Variants in FHIT observed in about 807,000 individuals in gnomAD.
FHIT encodes fragile histidine triad diadenosine triphosphatase.
Under a neutral mutation model 17.9 loss-of-function variants are expected in FHIT, and 19 were observed. The ratio of observed to expected loss-of-function variants is 1.06; its 90% confidence interval spans 0.74 to 1.56. FHIT has a LOEUF of 1.56. Ranked by LOEUF, FHIT falls within the 40% of genes most tolerant of loss-of-function variation. The pLI, the probability that FHIT is intolerant of heterozygous loss-of-function variation, is 0.00. For missense variants in FHIT, 248 were observed against 189.2 expected (o/e 1.31, Z -1.82); for synonymous variants, 81 against 69.7 (o/e 1.16, Z -0.81).
At chr3:60,679,924 T>G in intron 4 of FHIT, among the ~76,000 whole-genome samples, 1 of 152,218 alleles carries the variant, frequency 6.6e-6, no homozygotes, top group East Asian at 1.9e-4. Context: ...TTATTCTTGT[T>G]ACTATATGTT....
At chr3:60,264,594 A>C (rs960616221) in intron 5 of FHIT, among the ~76,000 whole-genome samples, 5 of 152,016 alleles carry the variant, frequency 3.3e-5, no homozygotes, top group African/African-American at 1.2e-4. Context: ...TAGAGAGTTA[A>C]TATAAAAGCA....
chr3:60,555,349 A>T (rs1366608962), intron 4 of FHIT, among the ~76,000 whole-genome samples: 1 of 152,192 alleles, frequency 6.6e-6, no homozygotes, highest in East Asian at 1.9e-4. Context: ...GGAGTCTTGA[A>T]ATAGAGCTTC....
intron 4 of FHIT, among the ~76,000 whole-genome samples, chr3:60,572,373 ACT>A (rs1163128649): frequency 2.0e-5 from 3 of 152,066 alleles, no homozygotes; most frequent in South Asian, 2.1e-4. Flanking sequence ...GGTTAGATTC[ACT>A]CTGTTTTATA....
intron 5 of FHIT, among the ~76,000 whole-genome samples, chr3:60,335,335 C>A (rs1014821876): frequency 6.6e-6 from 1 of 152,242 alleles, no homozygotes; most frequent in Admixed American, 6.5e-5. Flanking sequence ...TAAGTATATT[C>A]TTATAAACAT....
intron 2 of FHIT, among the ~76,000 whole-genome samples, chr3:61,051,090 C>T (rs1450204128): frequency 1.3e-5 from 2 of 151,970 alleles, no homozygotes; most frequent in African/African-American, 4.8e-5. Context: ...TGACATATAT[C>T]CCAATTTCAA....
Position 61,229,138 on chromosome 3 carries a change from G to GA in FHIT, c.-213+22162dup, listed in dbSNP as rs140557034. Among the ~76,000 whole-genome samples, 1,201 of 151,776 alleles carry GA rather than the reference G, an allele frequency of 7.9e-3. 18 individuals carry two copies. Among genetic ancestry groups the GA allele is most frequent in the African/African-American group, 0.028 (1,143 of 41,390 alleles). ...GGAGCCTGCAAATATTACTTTATTA[G>GA]AAAAAAAAGTCTTTGCAAATATAAT... On this transcript the variant is annotated intron_variant, in intron 1 of 9. Transcript: ENST00000492590.
intron 5 of FHIT, among the ~76,000 whole-genome samples, chr3:60,190,811 T>C (rs1702369261): frequency 6.6e-6 from 1 of 152,056 alleles, no homozygotes; most frequent in Non-Finnish European, 1.5e-5. Flanking sequence ...GGCATGGTAG[T>C]GCACACGTGT....
At chr3:60,705,800 T>C (rs1456606649) in intron 4 of FHIT, among the ~76,000 whole-genome samples, 2 of 152,126 alleles carry the variant, frequency 1.3e-5, no homozygotes, top group African/African-American at 4.8e-5. Flanking sequence ...ACACCCACCA[T>C]CTCTCCAGCT....
In FHIT at chr3:60,231,916, A is replaced by C. The variant is rs562173527; in HGVS notation, c.104-217764T>G. Among the ~76,000 whole-genome samples, 857 of 152,258 alleles carry C rather than the reference A, an allele frequency of 5.6e-3. 8 individuals carry two copies. The highest frequency in any genetic ancestry group is 0.019 in the African/African-American group (785 of 41,562). On this transcript the variant is annotated intron_variant, in intron 5 of 9. Coordinates refer to ENST00000492590, the MANE Select transcript of FHIT (RefSeq NM_002012.4). ...CCTGATTTAATCAACTGAAGGCCTT[A>C]ACCATAGGGCTGAGGCTTCCAGGAG...
At chr3:60,161,453 G>C (rs1700935756) in intron 5 of FHIT, among the ~76,000 whole-genome samples, 1 of 152,170 alleles carries the variant, frequency 6.6e-6, no homozygotes, top group African/African-American at 2.4e-5. Context: ...ATTATTAATA[G>C]TGTAATTCAC....
intron 3 of FHIT, among the ~76,000 whole-genome samples, chr3:60,991,457 T>A (rs2030204360): frequency 6.6e-6 from 1 of 152,186 alleles, no homozygotes; most frequent in South Asian, 2.1e-4. Context: ...TTTGATATTT[T>A]AAAAATTACA....
At chr3:59,873,558 T>C (rs150665497) in intron 8 of FHIT, among the ~76,000 whole-genome samples, 273 of 152,320 alleles carry the variant, frequency 1.8e-3, no homozygotes, top group African/African-American at 5.9e-3. Flanking sequence ...CTTAGCACTA[T>C]TGACATTTTG....
intron 5 of FHIT, among the ~76,000 whole-genome samples, chr3:60,219,301 C>A (rs1159835813): frequency 2.0e-5 from 3 of 152,082 alleles, no homozygotes; most frequent in African/African-American, 7.2e-5. Flanking sequence ...AAAGCTAATG[C>A]TGTGAAATCT....
intron 4 of FHIT, among the ~76,000 whole-genome samples, chr3:60,576,839 C>T (rs577692748): frequency 9.2e-5 from 14 of 151,992 alleles, no homozygotes; most frequent in South Asian, 4.2e-4. Flanking sequence ...CCCCCTAAAG[C>T]CCACTTTATT....
At chr3:59,876,184 T>A (rs1193800096) in intron 8 of FHIT, among the ~76,000 whole-genome samples, 1 of 151,854 alleles carries the variant, frequency 6.6e-6, no homozygotes, top group Non-Finnish European at 1.5e-5. Context: ...GTTATGTGTA[T>A]CTTACCACAA....
chr3:60,173,913 A>ATTTT (rs1359545917), intron 5 of FHIT, among the ~76,000 whole-genome samples: 1 of 68,516 alleles, frequency 1.5e-5, no homozygotes, highest in Non-Finnish European at 2.7e-5. Flanking sequence ...ATATATATAT[A>ATTTT]TATGTTTTTT....
chr3:60,329,266 T>C (rs1216209505), intron 5 of FHIT, among the ~76,000 whole-genome samples: 1 of 152,172 alleles, frequency 6.6e-6, no homozygotes, highest in Non-Finnish European at 1.5e-5. Flanking sequence ...TTGTGATCAC[T>C]GTTCTCTAGC....
intron 5 of FHIT, among the ~76,000 whole-genome samples, chr3:60,277,013 G>A (rs542229561): frequency 2.5e-4 from 38 of 152,046 alleles, no homozygotes; most frequent in African/African-American, 5.8e-4. Context: ...GATTTGGAGC[G>A]GACAAGCATC....
chr3:60,696,800 C>T (rs1577079705), intron 4 of FHIT, among the ~76,000 whole-genome samples: 1 of 152,226 alleles, frequency 6.6e-6, no homozygotes, highest in East Asian at 1.9e-4. Flanking sequence ...AACATTACGA[C>T]CTTAGGTTGA....
Sources: gnomAD v4.1 joint callset for allele counts (sites outside exome capture counted in the v4.1 genomes callset) on GRCh38, gnomAD v4.1.1 for gene constraint, MANE v1.5 for transcripts, NCBI Gene and HGNC (gene_info 2026-07-23, HGNC 2026-07-21) for gene names.